TRPM6: variants seen among roughly 807,000 people sequenced by gnomAD.
TRPM6 encodes the protein channel kinase 2.
In TRPM6, 111 loss-of-function variants were observed where a neutral mutation model predicts 247.6. That is an observed-to-expected ratio of 0.45 (90% CI 0.38 to 0.52). The LOEUF (loss-of-function observed/expected upper bound fraction) is 0.52, where lower values mean the gene tolerates loss of function less well. Among genes scored for constraint, TRPM6 ranks in the 20% least tolerant of loss-of-function variants. The pLI is 0.00. For missense variants in TRPM6, 2,126 were observed against 2,421.5 expected, an observed-to-expected ratio of 0.88 and a Z score of 2.56; for synonymous variants, 892 against 853.8, an observed-to-expected ratio of 1.04 and a Z score of -0.78.
intron 36 of TRPM6, among the ~76,000 whole-genome samples, chr9:74,737,934 C>T (rs566868914): frequency 6.6e-6 from 1 of 152,122 alleles, no homozygotes; most frequent in South Asian, 2.1e-4. Context: ...TAAGAGTGTG[C>T]TGTGTTGCCT....
chr9:74,791,979 A>G (rs7026967), intron 19 of TRPM6, among the ~76,000 whole-genome samples: 77,142 of 151,970 alleles, frequency 0.51, 19,892 homozygotes, highest in East Asian at 0.64. Context: ...GGATGGTCTC[A>G]ATCTCCTGAC....
intron 25 of TRPM6, among the ~76,000 whole-genome samples, chr9:74,768,573 T>G (rs73650067): frequency 0.016 from 2,418 of 152,290 alleles, 61 homozygotes; most frequent in African/African-American, 0.055. Context: ...ACCTTTCACC[T>G]GATTACCCCA....
At chr9:74,744,330 A>T (rs1825963865) in intron 31 of TRPM6, 185 bp from the exon 32 acceptor site, 2 of 663,882 alleles carry the variant, frequency 3.0e-6, no homozygotes, top group Non-Finnish European at 5.4e-6. Context: ...GCTTCCAATC[A>T]TCAATGTAAT....
intron 1 of TRPM6, among the ~76,000 whole-genome samples, chr9:74,884,532 CAT>C (rs1831470683): frequency 6.6e-6 from 1 of 151,908 alleles, no homozygotes; most frequent in Non-Finnish European, 1.5e-5. Flanking sequence ...TACATACATA[CAT>C]ACATACATAC....
At chr9:74,752,959 A>T (rs1302190734) in intron 28 of TRPM6, among the ~76,000 whole-genome samples, 1 of 152,154 alleles carries the variant, frequency 6.6e-6, no homozygotes, top group African/African-American at 2.4e-5. Context: ...CTAAAAATAT[A>T]AAAATGAACC....
At chr9:74,756,565 A>G (rs1285020211) in intron 27 of TRPM6, among the ~76,000 whole-genome samples, 2 of 151,576 alleles carry the variant, frequency 1.3e-5, no homozygotes, top group Non-Finnish European at 1.5e-5. Context: ...AAAGAAGGCC[A>G]GGCACAGTGG....
rs368072522 is a variant in TRPM6, at chr9:74,761,972, C to T, written c.4672+27G>A. The T allele has an allele frequency of 8.1e-6, 13 of 1,607,702 alleles. No homozygotes were observed. The African/African-American group carries it at 1.3e-4, about 17-fold the overall frequency. ...CAGTAGCAATGCAAAGGACTTAATG[C>T]TGATATTTTAAATGTTTATTCCTTA... is the stretch of plus-strand genomic sequence containing the variant. On this transcript the variant is annotated intron_variant, in intron 26 of 38. Coordinates refer to ENST00000360774, the MANE Select transcript of TRPM6 (RefSeq NM_017662.5).
chr9:74,863,252 G>A (rs1830743586), intron 1 of TRPM6, among the ~76,000 whole-genome samples: 1 of 151,706 alleles, frequency 6.6e-6, no homozygotes, highest in East Asian at 2.0e-4. Context: ...TCACCATGTT[G>A]GCCAGGCTGG....
At chr9:74,815,736 G>A (rs1478979699) in intron 11 of TRPM6, among the ~76,000 whole-genome samples, 3 of 152,154 alleles carry the variant, frequency 2.0e-5, no homozygotes, top group Non-Finnish European at 4.4e-5. Context: ...ATAAGTGTTA[G>A]AAAAATCAAA....
At chr9:74,780,009 T>C (rs1477530300) in intron 23 of TRPM6, among the ~76,000 whole-genome samples, 1 of 151,282 alleles carries the variant, frequency 6.6e-6, no homozygotes, top group Non-Finnish European at 1.5e-5. Context: ...CTGTCTCTAC[T>C]AAAAATACAA....
At chr9:74,829,412 T>C (rs914567344) in intron 6 of TRPM6, among the ~76,000 whole-genome samples, 1 of 152,246 alleles carries the variant, frequency 6.6e-6, no homozygotes, top group African/African-American at 2.4e-5. Context: ...CTCCACTTCG[T>C]ATTTGCTTTT....
chr9:74,870,934 A>G (rs1326789152), intron 1 of TRPM6, among the ~76,000 whole-genome samples: 1 of 152,010 alleles, frequency 6.6e-6, no homozygotes, highest in African/African-American at 2.4e-5. Context: ...CTCCGTCTCA[A>G]AAAAAAAGAA....
intron 36 of TRPM6, among the ~76,000 whole-genome samples, chr9:74,732,953 G>C (rs143602265): frequency 1.7e-4 from 26 of 152,220 alleles, no homozygotes; most frequent in African/African-American, 2.2e-4. Context: ...CAGCTCTTTG[G>C]GGGGTGGAGG....
intron 27 of TRPM6, among the ~76,000 whole-genome samples, chr9:74,758,007 GAGA>G (rs1672024388): frequency 2.6e-5 from 4 of 152,108 alleles, no homozygotes; most frequent in Admixed American, 1.3e-4. Context: ...TGAATAATAA[GAGA>G]AGATTATGAA....
At chr9:74,752,579 G>A (rs1208144602) in intron 28 of TRPM6, among the ~76,000 whole-genome samples, 2 of 151,966 alleles carry the variant, frequency 1.3e-5, no homozygotes, top group East Asian at 1.9e-4. Flanking sequence ...TTCTTCTATA[G>A]TTACTTTCAC....
chr9:74,830,340 C>T (rs1254632859), intron 6 of TRPM6, among the ~76,000 whole-genome samples: 1 of 150,942 alleles, frequency 6.6e-6, no homozygotes, highest in African/African-American at 2.4e-5. Context: ...CATCCACATA[C>T]CCCATTGAAA....
intron 31 of TRPM6, among the ~76,000 whole-genome samples, chr9:74,744,385 T>C (rs767306598): frequency 2.0e-5 from 3 of 152,150 alleles, no homozygotes; most frequent in Non-Finnish European, 4.4e-5. Flanking sequence ...AGGCAGGTAA[T>C]ATTAGCCTCA....
intron 3 of TRPM6, 76 bp from the exon 4 acceptor site, chr9:74,842,419 A>G: frequency 7.0e-7 from 1 of 1,436,094 alleles, no homozygotes; most frequent in Non-Finnish European, 9.8e-7. Context: ...TTTCTAAAGT[A>G]ATGTATAGAT....
intron 1 of TRPM6, among the ~76,000 whole-genome samples, chr9:74,864,077 C>T (rs1001629739): frequency 1.5e-4 from 22 of 151,482 alleles, no homozygotes; most frequent in African/African-American, 5.4e-4. Flanking sequence ...CTCTTACACA[C>T]ATCACAGCAC....
Sources: allele counts gnomAD v4.1 joint callset (sites outside exome capture counted in the v4.1 genomes callset), GRCh38; gene constraint gnomAD v4.1.1; transcripts MANE v1.5; gene names NCBI Gene and HGNC (gene_info 2026-07-23, HGNC 2026-07-21).